Variants in TRPM8 observed in about 807,000 individuals in gnomAD.
The protein encoded by TRPM8 is transient receptor potential cation channel subfamily M member 8.
Under a neutral mutation model 133.7 loss-of-function variants are expected in TRPM8, and 110 were observed. The ratio of observed to expected loss-of-function variants is 0.82; its 90% CI spans 0.70 to 0.96. The LOEUF (loss-of-function observed/expected upper bound fraction) is 0.96. Among genes scored for constraint, TRPM8 ranks in the 40% least tolerant of loss-of-function variants. The pLI is 0.00. For missense variants in TRPM8, 1,291 were observed against 1,379.5 expected (o/e 0.94, Z 1.02); for synonymous variants, 535 against 532.3 (o/e 1.01, Z -0.07).
intron 17 of TRPM8, among the ~76,000 whole-genome samples, chr2:233,974,873 G>C (rs79397439): frequency 6.6e-6 from 1 of 151,422 alleles, no homozygotes; most frequent in Non-Finnish European, 1.5e-5. Context: ...AATTAGCAGA[G>C]AGAGAGAGAG....
At chr2:233,937,194 C>T (rs753468587) in intron 3 of TRPM8, 159 bp from the exon 4 acceptor site, 3 of 869,862 alleles carry the variant, frequency 3.4e-6, no homozygotes, top group South Asian at 1.8e-5. Flanking sequence ...CCGCACCCGT[C>T]CACATCAAAC....
At chr2:233,937,586 G>A (rs1363836293) in intron 4 of TRPM8, 77 bp downstream of exon 4, 1 of 1,501,186 alleles carries the variant, frequency 6.7e-7, no homozygotes, top group Non-Finnish European at 9.0e-7. Flanking sequence ...ACTTGGAATT[G>A]TCTAATAGGA....
intron 17 of TRPM8, among the ~76,000 whole-genome samples, chr2:233,979,250 G>A (rs1243342403): frequency 1.3e-5 from 2 of 152,100 alleles, no homozygotes; most frequent in Admixed American, 6.5e-5. Context: ...GTAGGGCCTC[G>A]GTCTCATCCT....
Position 233,945,893 on chromosome 2 carries a change from C to T in TRPM8, c.737C>T (p.Thr246Ile), listed in dbSNP as rs774701652. The change falls in exon 7 of 26, where the codon ACA becomes ATA. Residue 246 changes from threonine to isoleucine, a missense_variant. Around this residue, in one of 2 missense-constraint regions of TRPM8, gnomAD observed 963 missense variants for 968.9 expected, o/e 0.99. Transcript: ENST00000324695. ...FLAQYLMDDF[T>I]RDPLYILDNN... Reference sequence around the variant, plus strand: ...GCCCAGTACCTTATGGATGACTTCACAAGAGATCCACTGTATATCCTGGAC... The same window carrying T: ...GCCCAGTACCTTATGGATGACTTCATAAGAGATCCACTGTATATCCTGGAC... 2 of 1,614,144 alleles carry T rather than the reference C, an allele frequency of 1.2e-6. No homozygotes were observed. The highest frequency in any genetic ancestry group is 4.5e-5 in the East Asian group (2 of 44,894).
Position 233,953,986 on chromosome 2 carries a change from G to C in TRPM8, c.1210G>C (p.Val404Leu). The change falls in exon 10 of 26, where the codon GTG becomes CTG. Residue 404 changes from valine (V) to leucine (L), a missense_variant. This residue lies in a region of TRPM8 where 963 missense variants were observed against 968.9 expected (regional missense o/e 0.99). Transcript: ENST00000324695. ...IKMEEAGDEI[V>L]SNAISYALYK... ...AATGGAAGAAGCTGGGGATGAAATT[G>C]TGAGCAATGCCATCTCCTACGCTCT... The C allele has an allele frequency of 6.2e-7, 1 of 1,613,980 alleles. No homozygotes were observed. The highest frequency in any genetic ancestry group is 8.5e-7 in the Non-Finnish European group (1 of 1,179,920).
intron 17 of TRPM8, chr2:233,979,979 G>T (rs1691965712): frequency 1.7e-6 from 1 of 579,362 alleles, no homozygotes; most frequent in South Asian, 2.3e-5. Flanking sequence ...CAGACATGAA[G>T]AGCAGAACAG....
rs1553653795 is a variant in TRPM8, at chr2:233,927,860, C to CTTTCTT, written c.117+1207_117+1208insTTCTTT. 1.0e-3 allele frequency among the ~76,000 whole-genome samples: 24 copies of CTTTCTT among 24,118 alleles called. 4 individuals carry two copies. The highest frequency in any genetic ancestry group is 9.4e-4 in the Non-Finnish European group (14 of 14,868). 15.8% of individuals were successfully genotyped at this position (24,118 alleles called of 152,430 possible). ...CCTTCCTTCCTTCCTTCCTTTCTTT[C>CTTTCTT]TCTTTCTTTCTTTCTTTCTTTCTTT... On this transcript the variant is annotated intron_variant, in intron 2 of 25. Coordinates refer to ENST00000324695, the MANE Select transcript of TRPM8 (RefSeq NM_024080.5).
At position 233,966,005 on chromosome 2, in the gene TRPM8, C is replaced by T. The variant is rs1237326872; in HGVS notation, c.1880-605C>T. On this transcript the variant is annotated intron_variant, in intron 14 of 25. Coordinates refer to ENST00000324695, the MANE Select transcript of TRPM8 (RefSeq NM_024080.5). ...CTGGGATTACAGGCGCATGCCACCACACCCGGCTAATTCTTTGTATTTTTA... is the reference window on the plus strand; with the variant it reads ...CTGGGATTACAGGCGCATGCCACCATACCCGGCTAATTCTTTGTATTTTTA... The T allele has an allele frequency of 2.0e-5, 3 of 152,518 alleles. No homozygotes were observed. In the East Asian group the frequency reaches 5.8e-4, roughly 29 times the overall value. The allele number at this position is 152,518 out of a possible 1,614,324, so 9.4% of individuals were successfully genotyped here.
rs1693032087 is a variant in TRPM8 at position 234,019,175 on chromosome 2, C to G, written c.*1919C>G. The G allele has an allele frequency of 6.6e-6, 1 of 152,164 alleles. No individual in the cohort carries two copies. The highest frequency in any genetic ancestry group is 1.5e-5 in the Non-Finnish European group (1 of 68,038). The allele number at this position is 152,164 out of a possible 1,614,324, so 9.4% of individuals were successfully genotyped here. On this transcript the variant is annotated 3_prime_UTR_variant, in exon 26 of 26. Transcript: ENST00000324695. The stretch of plus-strand genomic sequence containing the variant: ...TGAAAATAACTACTCACAACATTCA[C>G]TATGTTTGCAAGGAATTAACACAAA...
intron 24 of TRPM8, among the ~76,000 whole-genome samples, chr2:234,011,523 T>A (rs1002192833): frequency 1.3e-5 from 2 of 152,202 alleles, no homozygotes; most frequent in African/African-American, 4.8e-5. Flanking sequence ...TTGATAGGGA[T>A]TGCATTGAAT....
rs771957550 is a variant in TRPM8 at position 233,961,071 on chromosome 2, G to T, written c.1653+5G>T. 6 of 1,609,546 alleles carry T rather than the reference G, an allele frequency of 3.7e-6. No homozygotes were observed. The highest frequency in any genetic ancestry group is 5.1e-6 in the Non-Finnish European group (6 of 1,177,166). On this transcript the variant is annotated splice_donor_5th_base_variant and intron_variant, in intron 12 of 25. Coordinates refer to ENST00000324695, the MANE Select transcript of TRPM8 (RefSeq NM_024080.5). ...GAGATGGACATAGAACTCCACGTAGGTACTGGGAGAGTTGCCTGCTTGAGT... is the reference window on the plus strand; with the variant it reads ...GAGATGGACATAGAACTCCACGTAGTTACTGGGAGAGTTGCCTGCTTGAGT...
At chr2:233,992,789 C>T (rs1176222955) in intron 21 of TRPM8, among the ~76,000 whole-genome samples, 1 of 152,142 alleles carries the variant, frequency 6.6e-6, no homozygotes, top group Non-Finnish European at 1.5e-5. Flanking sequence ...TCAGATGGGG[C>T]GGGTGAGACC....
chr2:234,009,563 A>G (rs1166387607), intron 24 of TRPM8, among the ~76,000 whole-genome samples: 2 of 152,176 alleles, frequency 1.3e-5, no homozygotes, highest in Non-Finnish European at 2.9e-5. Flanking sequence ...CCTAGGGTCC[A>G]GGAAGTTCGT....
At chr2:233,944,568 A>G (rs898280026) in intron 6 of TRPM8, among the ~76,000 whole-genome samples, 1 of 152,228 alleles carries the variant, frequency 6.6e-6, no homozygotes, top group Non-Finnish European at 1.5e-5. Flanking sequence ...AAATTAAGAA[A>G]CAACCAACCA....
intron 11 of TRPM8, among the ~76,000 whole-genome samples, chr2:233,959,639 G>C (rs73120762): frequency 0.058 from 8,802 of 152,128 alleles, 835 homozygotes; most frequent in African/African-American, 0.2. Context: ...AGATTTTAAT[G>C]CTGGAAATGT....
At chr2:233,950,401 A>G (rs1286924984) in intron 9 of TRPM8, among the ~76,000 whole-genome samples, 3 of 152,214 alleles carry the variant, frequency 2.0e-5, no homozygotes, top group South Asian at 2.1e-4. Context: ...TTTTATATCA[A>G]TGTTCTTACT....
At chr2:233,973,019 G>A (rs182546824) in intron 17 of TRPM8, among the ~76,000 whole-genome samples, 56 of 152,354 alleles carry the variant, frequency 3.7e-4, no homozygotes, top group South Asian at 1.2e-3. Flanking sequence ...CTGCCAGCAC[G>A]CTGTCACCTC....
rs775468132 is a variant in TRPM8, at chr2:233,966,606, G to A, written c.1880-4G>A. 2 of 1,613,932 alleles carry A rather than the reference G, an allele frequency of 1.2e-6. No homozygotes were observed. Among genetic ancestry groups the A allele is most frequent in the East Asian group, 2.2e-5 (1 of 44,896 alleles). Reference sequence around the variant, plus strand: ...AGCTTCTCTCTGTGCTGATGTCGCTGTAGAGCTGTTCACTGAGTGTTACAG... The same window carrying A: ...AGCTTCTCTCTGTGCTGATGTCGCTATAGAGCTGTTCACTGAGTGTTACAG... On this transcript the variant is annotated splice_polypyrimidine_tract_variant and splice_region_variant and intron_variant, in intron 14 of 25. Transcript: ENST00000324695.
In TRPM8 at chr2:233,966,757, T is replaced by A. The variant is rs1247450643; in HGVS notation, c.2025+2T>A. The A allele has an allele frequency of 6.4e-7, 1 of 1,560,086 alleles. No individual in the cohort carries two copies. Among genetic ancestry groups the A allele is most frequent in the South Asian group, 1.2e-5 (1 of 83,600 alleles). On this transcript the variant is annotated splice_donor_variant, in intron 15 of 25. Coordinates refer to ENST00000324695, the MANE Select transcript of TRPM8 (RefSeq NM_024080.5). LOFTEE classifies it high-confidence loss of function. The stretch of plus-strand genomic sequence containing the variant: ...TTCATCGCCCAGCCTGGGGTCCAGG[T>A]AAACCATACTCAGCCACCAGACCAC...
Sources: allele counts gnomAD v4.1 joint callset (sites outside exome capture counted in the v4.1 genomes callset), GRCh38; gene constraint gnomAD v4.1.1; regional missense constraint gnomAD v4.1.1; transcripts MANE v1.5; gene names NCBI Gene and HGNC (gene_info 2026-07-23, HGNC 2026-07-21).